The following PRDM1 variants were observed in gnomAD, a reference collection of about 807,000 sequenced individuals.
PRDM1 encodes the protein PR/SET domain 1, also known as PR domain zinc finger protein 1.
In PRDM1, 13 loss-of-function variants were observed where a neutral mutation model predicts 62.8. That is an observed-to-expected ratio of 0.21 (90% confidence interval 0.13 to 0.33). PRDM1 has a LOEUF of 0.33. Among genes scored for constraint, PRDM1 ranks in the 10% least tolerant of loss-of-function variants. The pLI is 1.00. For missense variants in PRDM1, 895 were observed against 1,058.8 expected, an observed-to-expected ratio of 0.85 and a Z score of 2.15; for synonymous variants, 396 against 417.6, an observed-to-expected ratio of 0.95 and a Z score of 0.63.
At position 106,105,467 on chromosome 6, in the gene PRDM1, A is replaced by G. The variant is rs980844843; in HGVS notation, c.1307A>G (p.Asn436Ser). 6.2e-7 allele frequency: 1 copy of G among 1,613,716 alleles called. No individual in the cohort carries two copies. ...SAVSSMNGIN[N>S]FGLFPRLCPV... ...GTGAGCAGCATGAATGGCATCAACAACTTTGGCCTCTTCCCGAGGCTGTGC... is the reference window on the plus strand; with the variant it reads ...GTGAGCAGCATGAATGGCATCAACAGCTTTGGCCTCTTCCCGAGGCTGTGC... Residue 436 changes from asparagine to serine, a missense_variant, in exon 5 of 7, where the codon AAC (asparagine) becomes AGC (serine). This residue lies in a region of PRDM1 where 444 missense variants were observed against 422.7 expected (regional missense o/e 1.05). Transcript: ENST00000369096.
chr6:105,998,917 ATATATATATATATATATTTTT>A (rs1472269232), intron 1 of PRDM1, among the ~76,000 whole-genome samples: 31 of 3,822 alleles, frequency 8.1e-3, no homozygotes, highest in African/African-American at 0.027. Context: ...ATATATATAT[ATATATATATATATATATTTTT>A]TTTTTTTTTT....
chr6:105,995,736 A>G (rs1424497317), intron 1 of PRDM1, among the ~76,000 whole-genome samples: 1 of 151,562 alleles, frequency 6.6e-6, no homozygotes, highest in Admixed American at 6.6e-5. Flanking sequence ...TTTTTTTTTA[A>G]TCAGTCAGCT....
chr6:106,054,351 G>T (rs139023783), intron 1 of PRDM1, among the ~76,000 whole-genome samples: 1 of 151,894 alleles, frequency 6.6e-6, no homozygotes, highest in African/African-American at 2.4e-5. Flanking sequence ...TATACCTGGT[G>T]TATTTGTATA....
intron 1 of PRDM1, among the ~76,000 whole-genome samples, chr6:106,059,444 C>T (rs765624371): frequency 4.6e-5 from 7 of 152,158 alleles, no homozygotes; most frequent in African/African-American, 1.4e-4. Flanking sequence ...AAAACCGTGT[C>T]TGGAGCCTAG....
intron 1 of PRDM1, among the ~76,000 whole-genome samples, chr6:106,055,363 A>G (rs991446874): frequency 6.6e-6 from 1 of 152,202 alleles, no homozygotes; most frequent in African/African-American, 2.4e-5. Context: ...TTGCATTATT[A>G]TATACATGAG....
At chr6:106,033,366 T>C (rs1772877394) in intron 1 of PRDM1, among the ~76,000 whole-genome samples, 1 of 151,586 alleles carries the variant, frequency 6.6e-6, no homozygotes. Context: ...TTGCCCAGGC[T>C]TGTCTCGAAC....
At chr6:106,085,718 G>A (rs1178144996), upstream of PRDM1, among the ~76,000 whole-genome samples, 1 of 152,210 alleles carries the variant, frequency 6.6e-6, no homozygotes, top group Non-Finnish European at 1.5e-5. Flanking sequence ...GTTCTGGGAG[G>A]AGAGGAAAGG....
chr6:106,108,001 T>C lies in PRDM1; in HGVS notation c.*515T>C, dbSNP rs1774554082. On this transcript the variant is annotated 3_prime_UTR_variant, in exon 7 of 7. Transcript: ENST00000369096. ...GCACATCTGTATAAGTACCTAAGAT[T>C]TAGTTAAACAAATATATGACTTCAG... 2.1e-5 allele frequency: 5 copies of C among 232,726 alleles called. No individual in the cohort carries two copies. In the Admixed American group the frequency reaches 2.8e-4, roughly 13 times the overall value. The allele number at this position is 232,726 out of a possible 1,614,324, so 14.4% of individuals were successfully genotyped here. A position where few individuals can be genotyped will look rare whatever the true frequency, so the allele number is the denominator to read the frequency against.
chr6:106,070,755 T>G (rs13190863), intron 1 of PRDM1, among the ~76,000 whole-genome samples: 8 of 152,252 alleles, frequency 5.3e-5, no homozygotes, highest in Non-Finnish European at 7.3e-5. Flanking sequence ...GGTAATATTG[T>G]TAATATTTGA....
At chr6:106,059,625 A>G (rs1044908764) in intron 1 of PRDM1, among the ~76,000 whole-genome samples, 30 of 152,222 alleles carry the variant, frequency 2.0e-4, no homozygotes, top group African/African-American at 7.2e-4. Flanking sequence ...ATGCTTTCAC[A>G]GATTTCTGAA....
At chr6:106,032,325 A>ATTTTT (rs71006666) in intron 1 of PRDM1, among the ~76,000 whole-genome samples, 1 of 144,084 alleles carries the variant, frequency 6.9e-6, no homozygotes. Flanking sequence ...CACCCAGCTA[A>ATTTTT]TTTTTTTTTT....
intron 1 of PRDM1, among the ~76,000 whole-genome samples, chr6:106,020,077 A>C (rs554913417): frequency 6.6e-6 from 1 of 151,306 alleles, no homozygotes; most frequent in Non-Finnish European, 1.5e-5. Context: ...AAATACAAAA[A>C]TTAGCTGGGT....
rs1370382807 is a variant in PRDM1, at chr6:106,052,501, T to C, written c.-67+3787T>C. On this transcript the variant is annotated intron_variant, in intron 1 of 6. Transcript: ENST00000651185. Reference sequence around the variant, plus strand: ...ATAACTATCAACTTGCTGTTAATAATGTATATCTTACCTTATCCGATTGTG... The same window carrying C: ...ATAACTATCAACTTGCTGTTAATAACGTATATCTTACCTTATCCGATTGTG... Among the ~76,000 whole-genome samples, 4 of 152,310 alleles carry C rather than the reference T, an allele frequency of 2.6e-5. No individual in the cohort carries two copies. In the South Asian group the frequency reaches 6.2e-4, roughly 24 times the overall value.
chr6:106,077,923 A>G (rs912887581), intron 1 of PRDM1, among the ~76,000 whole-genome samples: 1 of 152,216 alleles, frequency 6.6e-6, no homozygotes, highest in Non-Finnish European at 1.5e-5. Context: ...GCTTTGGGAG[A>G]ACATTGAGTT....
chr6:106,069,633 A>G (rs1267074499), intron 1 of PRDM1, among the ~76,000 whole-genome samples: 1 of 152,232 alleles, frequency 6.6e-6, no homozygotes, highest in Non-Finnish European at 1.5e-5. Flanking sequence ...AAGAGGGACG[A>G]GCTTCTCAGA....
At chr6:106,032,612 A>G (rs1219233625) in intron 1 of PRDM1, among the ~76,000 whole-genome samples, 1 of 151,676 alleles carries the variant, frequency 6.6e-6, no homozygotes, top group Non-Finnish European at 1.5e-5. Context: ...TAATTTTTGT[A>G]TTTTTAGTAG....
intron 2 of PRDM1, among the ~76,000 whole-genome samples, chr6:106,092,981 G>T (rs1179026865): frequency 6.6e-6 from 1 of 152,166 alleles, no homozygotes; most frequent in African/African-American, 2.4e-5. Flanking sequence ...AGGGCGCTCT[G>T]TCCCTTTCCT....
upstream of PRDM1, among the ~76,000 whole-genome samples, chr6:106,044,027 C>T (rs184154228): frequency 6.6e-6 from 1 of 152,078 alleles, no homozygotes; most frequent in Admixed American, 6.6e-5. Flanking sequence ...TAGTTTTATG[C>T]CCTACCTCCT....
chr6:106,034,586 T>C (rs1342192940), intron 1 of PRDM1, among the ~76,000 whole-genome samples: 1 of 151,526 alleles, frequency 6.6e-6, no homozygotes, highest in East Asian at 1.9e-4. Flanking sequence ...CTTCATTCCA[T>C]TGTACTCAGA....
Sources: allele counts gnomAD v4.1 joint callset (sites outside exome capture counted in the v4.1 genomes callset), GRCh38; gene constraint gnomAD v4.1.1; regional missense constraint gnomAD v4.1.1; transcripts MANE v1.5; gene names NCBI Gene and HGNC (gene_info 2026-07-23, HGNC 2026-07-21).